Variants in IGSF10 observed in about 807,000 individuals in gnomAD.
IGSF10 encodes the protein immunoglobulin superfamily member 10.
A neutral mutation model predicts 128.2 loss-of-function variants in IGSF10; 126 were observed. That is an observed-to-expected ratio of 0.98 (90% CI 0.85 to 1.14). The LOEUF (loss-of-function observed/expected upper bound fraction) is 1.14. IGSF10 is among the 50% of genes most tolerant of loss of function. The pLI, the probability that IGSF10 is intolerant of heterozygous loss-of-function variation, is 0.00. For synonymous variants in IGSF10, 1,185 were observed against 1,146.2 expected (o/e 1.03, Z -0.68); for missense variants, 3,295 against 3,149.8 (o/e 1.05, Z -1.10).
chr3:151,502,008 T>A, the IGSF10 span, among the ~76,000 whole-genome samples: 1 of 152,034 alleles, frequency 6.6e-6, no homozygotes, highest in Middle Eastern at 3.2e-3. Flanking sequence ...ACCTAAAAGC[T>A]GTTAAAATAG....
the IGSF10 span, among the ~76,000 whole-genome samples, chr3:151,612,552 C>T: frequency 1.3e-5 from 2 of 152,158 alleles, no homozygotes; most frequent in African/African-American, 4.8e-5. Flanking sequence ...AGAAGATGCT[C>T]TCCACTCCCT....
At chr3:151,544,827 TTTTAC>T in the IGSF10 span, among the ~76,000 whole-genome samples, 1 of 152,114 alleles carries the variant, frequency 6.6e-6, no homozygotes, top group African/African-American at 2.4e-5. Context: ...AATTGTCTTA[TTTTAC>T]TTCTATGATG....
chr3:151,615,726 T>A, the IGSF10 span, among the ~76,000 whole-genome samples: 1 of 152,094 alleles, frequency 6.6e-6, no homozygotes, highest in Non-Finnish European at 1.5e-5. Context: ...AAGGGAGTGA[T>A]TAAATAGAGC....
At position 151,457,149 on chromosome 3, in the gene IGSF10, G is replaced by C. The variant is rs758748538; in HGVS notation, c.201C>G (p.Asn67Lys). 6.2e-7 allele frequency: 1 copy of C among 1,613,916 alleles called. No homozygotes were observed. Among genetic ancestry groups the C allele is most frequent in the African/African-American group, 1.3e-5 (1 of 74,918 alleles). Residue 67 changes from asparagine to lysine, a missense_variant, in exon 4 of 8, where the codon AAC (asparagine) becomes AAG (lysine). Physicochemically the swap from Asn to Lys is moderately conservative, Grantham distance 94. Transcript: ENST00000282466. ...PNVERINLGY[N>K]SLVRLMETDF... ...CTGTTTCCATCAATCTAACCAAGCTGTTGTATCTGAAATAAAAAATGACAT... is the reference window on the plus strand; with the variant it reads ...CTGTTTCCATCAATCTAACCAAGCTCTTGTATCTGAAATAAAAAATGACAT...
At chr3:151,544,492 T>TA in the IGSF10 span, among the ~76,000 whole-genome samples, 4 of 152,214 alleles carry the variant, frequency 2.6e-5, no homozygotes, top group Admixed American at 2.6e-4. Context: ...CATGTTTGAA[T>TA]GACAGTTTGA....
chr3:151,483,186 A>G, the IGSF10 span, among the ~76,000 whole-genome samples: 528 of 152,352 alleles, frequency 3.5e-3, 5 homozygotes, highest in Middle Eastern at 0.014. Flanking sequence ...TAAACCACAT[A>G]TATCTTCAAT....
At chr3:151,519,654 T>G in the IGSF10 span, among the ~76,000 whole-genome samples, 3 of 151,908 alleles carry the variant, frequency 2.0e-5, no homozygotes, top group East Asian at 5.8e-4. Flanking sequence ...ATCATCTTTT[T>G]TCTTTGAGGT....
chr3:151,471,504 A>G, the IGSF10 span, among the ~76,000 whole-genome samples: 248 of 152,368 alleles, frequency 1.6e-3, no homozygotes, highest in African/African-American at 5.8e-3. Flanking sequence ...CTCTTCCTCA[A>G]TTTAAGTTGG....
At chr3:151,563,227 G>A in the IGSF10 span, among the ~76,000 whole-genome samples, 8 of 152,040 alleles carry the variant, frequency 5.3e-5, no homozygotes, top group Admixed American at 1.3e-4. Context: ...AGCCTTGACC[G>A]TGAGAGTGAC....
chr3:151,525,814 C>T, the IGSF10 span, among the ~76,000 whole-genome samples: 10 of 152,160 alleles, frequency 6.6e-5, no homozygotes, highest in African/African-American at 2.4e-4. Context: ...GGATAATCTC[C>T]CTTCCGATTA....
At chr3:151,515,687 A>G in the IGSF10 span, among the ~76,000 whole-genome samples, 1 of 148,684 alleles carries the variant, frequency 6.7e-6, no homozygotes, top group Non-Finnish European at 1.5e-5. Flanking sequence ...AAAATATATA[A>G]TATATATAAT....
At chr3:151,440,617 A>G (rs1221609995) in intron 7 of IGSF10, 2 of 456,628 alleles carry the variant, frequency 4.4e-6, no homozygotes, top group African/African-American at 2.0e-5. Flanking sequence ...GCTTTCCACC[A>G]TGCTATACTG....
chr3:151,582,297 G>GT, the IGSF10 span, among the ~76,000 whole-genome samples: 7 of 114,000 alleles, frequency 6.1e-5, no homozygotes, highest in African/African-American at 1.9e-4. Flanking sequence ...ATATCCGGGG[G>GT]GGGGGGCGGG....
At chr3:151,610,300 T>G in the IGSF10 span, among the ~76,000 whole-genome samples, 1 of 152,312 alleles carries the variant, frequency 6.6e-6, no homozygotes, top group Non-Finnish European at 1.5e-5. Flanking sequence ...CATTTCCTAT[T>G]CCCAATACAG....
In IGSF10 at chr3:151,448,927, T is replaced by C. The variant is rs949258817; in HGVS notation, c.1054A>G (p.Ile352Val). ...GTTGAAAATGAAGTATTTAGCACGA[T>C]GTAGTCATTTTCTTCAGTGAATGCA... is the stretch of plus-strand genomic sequence containing the variant. The part of the protein sequence containing the change: ...PIAFTEENDY[I>V]VLNTSFSTFL... Residue 352 changes from isoleucine to valine, a missense_variant, in exon 6 of 8, where the codon ATC (isoleucine) becomes GTC (valine). By Grantham distance (29) the Ile-to-Val change is conservative. Coordinates refer to ENST00000282466, the MANE Select transcript of IGSF10 (RefSeq NM_178822.5). The C allele has an allele frequency of 3.1e-6, 5 of 1,614,090 alleles. No homozygotes were observed. The highest frequency in any genetic ancestry group is 2.7e-5 in the African/African-American group (2 of 74,936).
At chr3:151,518,275 T>C in the IGSF10 span, among the ~76,000 whole-genome samples, 1 of 152,044 alleles carries the variant, frequency 6.6e-6, no homozygotes, top group Non-Finnish European at 1.5e-5. Flanking sequence ...CCAATCTGGT[T>C]ATTTCTGTAC....
chr3:151,612,084 C>T, the IGSF10 span, among the ~76,000 whole-genome samples: 2 of 152,146 alleles, frequency 1.3e-5, no homozygotes, highest in South Asian at 4.2e-4. Context: ...TTTCCCTGTC[C>T]CCAAATGAAT....
the IGSF10 span, among the ~76,000 whole-genome samples, chr3:151,505,633 T>TAAAC: frequency 6.6e-6 from 1 of 152,182 alleles, no homozygotes; most frequent in African/African-American, 2.4e-5. Flanking sequence ...GGTGAAATCT[T>TAAAC]TCTAAAGATA....
the IGSF10 span, among the ~76,000 whole-genome samples, chr3:151,492,481 T>TC: frequency 4.1e-3 from 630 of 152,272 alleles, 1 homozygote; most frequent in Non-Finnish European, 7.0e-3. Flanking sequence ...GGAACCATAA[T>TC]CCCAGCACTT....
Sources: allele counts gnomAD v4.1 joint callset (sites outside exome capture counted in the v4.1 genomes callset), GRCh38; gene constraint gnomAD v4.1.1; transcripts MANE v1.5; gene names NCBI Gene and HGNC (gene_info 2026-07-23, HGNC 2026-07-21).